CCDC191: variants seen among roughly 807,000 people sequenced by gnomAD.
The protein encoded by CCDC191 is coiled-coil domain-containing protein 191.
A neutral mutation model predicts 114.0 loss-of-function variants in CCDC191; 99 were observed. The ratio of observed to expected loss-of-function variants is 0.87; its 90% confidence interval spans 0.74 to 1.03. CCDC191 has a LOEUF of 1.03. Ranked by LOEUF, CCDC191 falls within the 50% of genes least tolerant of loss-of-function variation. The probability of loss-of-function intolerance (pLI) is 0.00; values close to 1 mark genes in which losing one functional copy is unlikely to be tolerated. For missense variants in CCDC191, 973 were observed against 1,087.0 expected, an observed-to-expected ratio of 0.90 and a Z score of 1.47; for synonymous variants, 351 against 376.0, an observed-to-expected ratio of 0.93 and a Z score of 0.77.
At chr3:114,027,139 G>C (rs1484505579) in intron 7 of CCDC191, among the ~76,000 whole-genome samples, 1 of 152,184 alleles carries the variant, frequency 6.6e-6, no homozygotes, top group Non-Finnish European at 1.5e-5. Flanking sequence ...GCTGGAAGTA[G>C]AAAGCTTCTA....
chr3:113,979,244 T>C (rs1024618213), intron 14 of CCDC191, among the ~76,000 whole-genome samples: 1 of 152,140 alleles, frequency 6.6e-6, no homozygotes, highest in East Asian at 1.9e-4. Context: ...CCACAGTGAT[T>C]TGCTGGTTAT....
intron 7 of CCDC191, 119 bp downstream of exon 7, chr3:114,031,507 A>T: frequency 1.2e-6 from 1 of 803,634 alleles, no homozygotes; most frequent in South Asian, 1.5e-5. Context: ...TGGCGTGGGC[A>T]GTTTTGGTAT....
intron 11 of CCDC191, chr3:114,002,980 G>A: frequency 2.0e-6 from 2 of 985,078 alleles, no homozygotes; most frequent in Non-Finnish European, 2.4e-6. Flanking sequence ...TTAAGTCACT[G>A]TACATATGTC....
At chr3:114,007,279 G>GA (rs995049114) in intron 9 of CCDC191, among the ~76,000 whole-genome samples, 2 of 152,142 alleles carry the variant, frequency 1.3e-5, no homozygotes, top group Non-Finnish European at 2.9e-5. Flanking sequence ...GGCTTAAAGA[G>GA]AAAAATGCTA....
intron 9 of CCDC191, among the ~76,000 whole-genome samples, chr3:114,009,744 T>C (rs975717622): frequency 6.6e-6 from 1 of 152,220 alleles, no homozygotes; most frequent in Non-Finnish European, 1.5e-5. Context: ...TTTTTAGGTA[T>C]TATCCTAAGT....
At position 114,036,655 on chromosome 3, in the gene CCDC191, T is replaced by C. The variant is rs138419795; in HGVS notation, c.547A>G (p.Lys183Glu). 2.0e-4 allele frequency: 318 copies of C among 1,606,832 alleles called. 5 individuals carry two copies. In the South Asian group the frequency reaches 2.3e-3, roughly 12 times the overall value. The change falls in exon 5 of 17, where the codon AAG becomes GAG. Residue 183 changes from lysine (K) to glutamate (E), a missense_variant. Transcript: ENST00000295878. ...GTAAGACGAGGATCCTTCTGCTGCT[T>C]CTTGTCTTGGTTTTCCTTCCTTCCA... ...DLGRKENQDK[K>E]QQKDPRLTME...
At chr3:114,000,086 T>A (rs1206082829) in intron 13 of CCDC191, among the ~76,000 whole-genome samples, 2 of 151,540 alleles carry the variant, frequency 1.3e-5, no homozygotes, top group African/African-American at 4.9e-5. Context: ...TGGCTAATTT[T>A]ATGTGTCAAC....
chr3:113,983,065 G>A (rs2075225827), intron 13 of CCDC191, among the ~76,000 whole-genome samples: 1 of 152,078 alleles, frequency 6.6e-6, no homozygotes, highest in South Asian at 2.1e-4. Flanking sequence ...TGAAAGCCCT[G>A]TTGCCTAGGT....
chr3:114,052,683 T>C (rs897172003), intron 2 of CCDC191, among the ~76,000 whole-genome samples: 3 of 152,226 alleles, frequency 2.0e-5, no homozygotes, highest in African/African-American at 7.2e-5. Flanking sequence ...CTGCTCTGTT[T>C]TAGCTCCAAC....
chr3:114,017,431 G>A (rs190090909), intron 8 of CCDC191, among the ~76,000 whole-genome samples: 2 of 152,250 alleles, frequency 1.3e-5, no homozygotes, highest in African/African-American at 4.8e-5. Context: ...CTCAACACCT[G>A]TACAGTCTCT....
Position 114,005,760 on chromosome 3 carries a change from G to A in CCDC191, c.1616C>T (p.Thr539Ile). The part of the protein sequence containing the change: ...QQPGSNETLR[T>I]TSQKAEPLCL... ...AAGCGGTTCTGCTTTCTGGCTGGTA[G>A]TTCTGAGTGTCTCGTTGCTGCCAGG... The change falls in exon 10 of 17, where the codon ACT becomes ATT. Residue 539 changes from threonine to isoleucine, a missense_variant. By Grantham distance (89) the Thr-to-Ile change is moderately conservative. Transcript: ENST00000295878. 6.2e-7 allele frequency: 1 copy of A among 1,614,160 alleles called. No individual in the cohort carries two copies. Among genetic ancestry groups the A allele is most frequent in the Non-Finnish European group, 8.5e-7 (1 of 1,180,018 alleles).
At chr3:113,999,187 G>A (rs1175770722) in intron 13 of CCDC191, among the ~76,000 whole-genome samples, 2 of 152,168 alleles carry the variant, frequency 1.3e-5, no homozygotes, top group African/African-American at 2.4e-5. Flanking sequence ...ATTACCCCTA[G>A]TAATACCACT....
At chr3:114,050,063 C>G (rs1342235892) in intron 2 of CCDC191, among the ~76,000 whole-genome samples, 5 of 152,170 alleles carry the variant, frequency 3.3e-5, no homozygotes, top group Non-Finnish European at 7.4e-5. Context: ...TGAAGCAATG[C>G]AGGGTGATTT....
At chr3:113,971,153 A>C (rs906524808) in intron 16 of CCDC191, among the ~76,000 whole-genome samples, 1 of 152,232 alleles carries the variant, frequency 6.6e-6, no homozygotes, top group African/African-American at 2.4e-5. Context: ...TGATTTCCAC[A>C]ATGATTGAAC....
At chr3:114,028,380 G>A (rs2076355716) in intron 7 of CCDC191, among the ~76,000 whole-genome samples, 1 of 151,028 alleles carries the variant, frequency 6.6e-6, no homozygotes, top group South Asian at 2.1e-4. Context: ...CTGCCTCCTG[G>A]GTTCACGCCA....
At chr3:113,996,319 TC>T (rs1406702383) in intron 13 of CCDC191, among the ~76,000 whole-genome samples, 1 of 152,226 alleles carries the variant, frequency 6.6e-6, no homozygotes, top group Admixed American at 6.5e-5. Context: ...GTTTCAGTTT[TC>T]TGCATAGGCT....
chr3:114,024,887 T>A (rs1320236415), intron 7 of CCDC191, among the ~76,000 whole-genome samples: 8 of 152,054 alleles, frequency 5.3e-5, no homozygotes, highest in Non-Finnish European at 1.0e-4. Context: ...GCAAAATAAA[T>A]CTCCAGTAGG....
chr3:114,001,108 A>G (rs1243666513), intron 13 of CCDC191, among the ~76,000 whole-genome samples: 1 of 152,106 alleles, frequency 6.6e-6, no homozygotes, highest in Non-Finnish European at 1.5e-5. Context: ...GTGTATTATT[A>G]TTTCTTTGTG....
At chr3:113,997,747 T>G (rs2075761215) in intron 13 of CCDC191, among the ~76,000 whole-genome samples, 1 of 152,158 alleles carries the variant, frequency 6.6e-6, no homozygotes, top group Non-Finnish European at 1.5e-5. Context: ...TAATGATGTT[T>G]GGGTCAATGA....
Sources: gnomAD v4.1 joint callset for allele counts (sites outside exome capture counted in the v4.1 genomes callset) on GRCh38, gnomAD v4.1.1 for gene constraint, MANE v1.5 for transcripts, NCBI Gene and HGNC (gene_info 2026-07-23, HGNC 2026-07-21) for gene names.